The following HDAC8 variants were observed in gnomAD, a reference collection of about 807,000 sequenced individuals.
HDAC8 encodes the protein histone deacetylase-like 1.
A neutral mutation model predicts 32.2 loss-of-function variants in HDAC8; 1 was observed. The observed-to-expected ratio is 0.03, with a 90% CI of 0.01 to 0.15. HDAC8 has a LOEUF of 0.15. Ranked by LOEUF, HDAC8 falls within the 10% of genes least tolerant of loss-of-function variation. The pLI is 1.00. For missense variants in HDAC8, 117 were observed against 300.0 expected (o/e 0.39, Z 4.51); for synonymous variants, 108 against 113.9 (o/e 0.95, Z 0.33).
intron 9 of HDAC8, among the ~76,000 whole-genome samples, chrX:72,447,893 C>T (rs781787952): frequency 4.5e-5 from 5 of 111,604 alleles, no homozygotes; most frequent in South Asian, 7.6e-4. Flanking sequence ...TGGAGGACCT[C>T]TTCAAGGAGA....
intron 4 of HDAC8, among the ~76,000 whole-genome samples, chrX:72,497,088 T>C (rs957659299): frequency 1.8e-5 from 2 of 111,710 alleles, no homozygotes; most frequent in Admixed American, 9.5e-5. Context: ...GACTCCTTTA[T>C]TTACCTGCCT....
intron 9 of HDAC8, among the ~76,000 whole-genome samples, chrX:72,356,356 G>A (rs1390360995): frequency 1.8e-5 from 2 of 111,322 alleles, no homozygotes; most frequent in African/African-American, 6.5e-5. Context: ...TGACTAGGGG[G>A]CACGGACAAG....
intron 7 of HDAC8, among the ~76,000 whole-genome samples, chrX:72,483,683 T>C (rs1458179918): frequency 8.9e-6 from 1 of 112,014 alleles, no homozygotes; most frequent in Non-Finnish European, 1.9e-5. Flanking sequence ...TCAGAGTGGC[T>C]TCAGAGAGCT....
At chrX:72,477,703 G>A (rs1038576440) in intron 7 of HDAC8, among the ~76,000 whole-genome samples, 2 of 112,628 alleles carry the variant, frequency 1.8e-5, no homozygotes, top group African/African-American at 6.5e-5. Context: ...GACTTAAAAA[G>A]AAATGCATTT....
At chrX:72,450,802 C>T (rs781857792) in intron 9 of HDAC8, among the ~76,000 whole-genome samples, 1 of 109,513 alleles carries the variant, frequency 9.1e-6, no homozygotes, top group East Asian at 2.9e-4. Context: ...AATTAGAGTC[C>T]CAGAAGAACA....
chrX:72,570,502 G>C (rs1364873230), intron 2 of HDAC8, among the ~76,000 whole-genome samples: 2 of 109,115 alleles, frequency 1.8e-5, no homozygotes, highest in Non-Finnish European at 3.8e-5. Flanking sequence ...CCAGCTACTC[G>C]GGAGGCTGAG....
intron 10 of HDAC8, among the ~76,000 whole-genome samples, chrX:72,336,628 A>C (rs2043692237): frequency 9.0e-6 from 1 of 111,442 alleles, no homozygotes; most frequent in African/African-American, 3.3e-5. Flanking sequence ...ATGCTGCCCA[A>C]GCTGGTTTTG....
intron 9 of HDAC8, among the ~76,000 whole-genome samples, chrX:72,368,419 C>G (rs1162940043): frequency 9.5e-6 from 1 of 105,084 alleles, no homozygotes; most frequent in Non-Finnish European, 1.9e-5. Context: ...TGCAGTGGCG[C>G]GATCTCGGCT....
intron 9 of HDAC8, among the ~76,000 whole-genome samples, chrX:72,373,101 C>T (rs1276353769): frequency 1.8e-5 from 2 of 111,794 alleles, no homozygotes; most frequent in Non-Finnish European, 1.9e-5. Flanking sequence ...GTGACTTGTC[C>T]AAGGTCATAG....
At chrX:72,484,384 T>A (rs1460162088) in intron 7 of HDAC8, among the ~76,000 whole-genome samples, 3 of 112,021 alleles carry the variant, frequency 2.7e-5, no homozygotes, top group African/African-American at 9.7e-5. Context: ...AATAGAATCT[T>A]TTATAAGTCC....
intron 9 of HDAC8, among the ~76,000 whole-genome samples, chrX:72,442,137 C>G (rs1245716398): frequency 9.0e-6 from 1 of 110,783 alleles, no homozygotes; most frequent in East Asian, 2.8e-4. Flanking sequence ...GAGAACTTCC[C>G]CAATCTAGTA....
At chrX:72,423,332 C>T (rs1219152376) in intron 9 of HDAC8, among the ~76,000 whole-genome samples, 7 of 111,900 alleles carry the variant, frequency 6.3e-5, no homozygotes, top group African/African-American at 2.3e-4. Context: ...TCACCCTTTC[C>T]TGTTTCCAAT....
At chrX:72,407,253 A>ACTCCAG (rs1657448978) in intron 9 of HDAC8, among the ~76,000 whole-genome samples, 1 of 111,931 alleles carries the variant, frequency 8.9e-6, no homozygotes, top group Admixed American at 9.4e-5. Context: ...TCCTAGAGAA[A>ACTCCAG]CTCCAGCTGG....
chrX:72,442,656 T>C (rs1426816463), intron 9 of HDAC8, among the ~76,000 whole-genome samples: 1 of 111,544 alleles, frequency 9.0e-6, no homozygotes, highest in Non-Finnish European at 1.9e-5. Context: ...GCTAACATCA[T>C]AATGACAGGA....
chrX:72,330,946 CTTTTTTTTTTTT>C (rs66720533), intron 10 of HDAC8: 2 of 55,648 alleles, frequency 3.6e-5, no homozygotes, highest in Non-Finnish European at 7.6e-5. Context: ...ACTTGCCTAT[CTTTTTTTTTTTT>C]TTTTTTTTTT....
At chrX:72,513,786 G>C (rs185506384) in intron 4 of HDAC8, among the ~76,000 whole-genome samples, 112 of 111,871 alleles carry the variant, frequency 1.0e-3, no homozygotes, top group African/African-American at 3.4e-3. Context: ...CACTGGAACA[G>C]ATTATTTTAA....
intron 4 of HDAC8, among the ~76,000 whole-genome samples, chrX:72,553,499 C>A (rs781886487): frequency 4.5e-5 from 5 of 112,171 alleles, no homozygotes; most frequent in Non-Finnish European, 7.5e-5. Context: ...ACAAACACAT[C>A]TTTACCATAT....
intron 9 of HDAC8, among the ~76,000 whole-genome samples, chrX:72,359,665 T>G (rs1244028730): frequency 9.0e-6 from 1 of 110,891 alleles, no homozygotes; most frequent in Non-Finnish European, 1.9e-5. Context: ...CAAAGCTGGG[T>G]GACTGATGTA....
intron 9 of HDAC8, among the ~76,000 whole-genome samples, chrX:72,396,345 T>C (rs1181916327): frequency 5.3e-5 from 6 of 112,276 alleles, no homozygotes; most frequent in African/African-American, 1.9e-4. Flanking sequence ...GGAAGAGCCA[T>C]GTTGCTGTCT....
Sources: gnomAD v4.1 joint callset for allele counts (sites outside exome capture counted in the v4.1 genomes callset) on GRCh38, gnomAD v4.1.1 for gene constraint, MANE v1.5 for transcripts, NCBI Gene and HGNC (gene_info 2026-07-23, HGNC 2026-07-21) for gene names.